The following GCA variants were observed in gnomAD, a reference collection of about 807,000 sequenced individuals.
GCA encodes grancalcin, EF-hand calcium-binding protein.
GCA carries 30 observed loss-of-function variants against 32.6 expected under a neutral mutation model. That is an observed-to-expected ratio of 0.92 (90% confidence interval 0.69 to 1.25). The LOEUF (loss-of-function observed/expected upper bound fraction) is 1.25, where lower values mean the gene tolerates loss of function less well. Ranked by LOEUF, GCA falls within the 50% of genes most tolerant of loss-of-function variation. The pLI is 0.00. For synonymous variants in GCA, 102 were observed against 84.6 expected, an observed-to-expected ratio of 1.21 and a Z score of -1.13; for missense variants, 291 against 266.8, an observed-to-expected ratio of 1.09 and a Z score of -0.63.
upstream of GCA, among the ~76,000 whole-genome samples, chr2:162,341,109 T>C (rs1684426852): frequency 6.6e-6 from 1 of 151,990 alleles, no homozygotes; most frequent in African/African-American, 2.4e-5. Flanking sequence ...TCCCCTCCTA[T>C]TGATGTATGT....
At chr2:162,343,102 C>G (rs536536099), upstream of GCA, among the ~76,000 whole-genome samples, 1 of 152,236 alleles carries the variant, frequency 6.6e-6, no homozygotes, top group Admixed American at 6.5e-5. Context: ...AGATACTCAG[C>G]TCTGCAAGGC....
At chr2:162,320,675 TC>T (rs1164118571) in intron 1 of GCA, among the ~76,000 whole-genome samples, 45 of 152,366 alleles carry the variant, frequency 3.0e-4, no homozygotes, top group African/African-American at 1.1e-3. Context: ...ATTATATCAT[TC>T]ATTGTATCAT....
rs151295915 is a variant in GCA at position 162,371,475 on chromosome 2, G to A, written c.*95G>A. 9.0e-4 allele frequency: 1,135 copies of A among 1,254,674 alleles called. 1 individual carries two copies. The highest frequency in any genetic ancestry group is 1.4e-3 in the Admixed American group (53 of 38,178). The allele number at this position is 1,254,674 out of a possible 1,614,324, so 77.7% of individuals were successfully genotyped here. A position where few individuals can be genotyped will look rare whatever the true frequency, so the allele number is the denominator to read the frequency against. On this transcript the variant is annotated 3_prime_UTR_variant, in exon 5 of 5. Transcript: ENST00000414723. ...TTTTATCCCTTGGTTTCTTATTTGC[G>A]TGGAAGGCATTTTCATAACGAAGTA... is the stretch of plus-strand genomic sequence containing the variant.
intron 1 of GCA, among the ~76,000 whole-genome samples, chr2:162,336,256 G>A (rs1684266858): frequency 6.6e-6 from 1 of 152,102 alleles, no homozygotes; most frequent in Non-Finnish European, 1.5e-5. Context: ...TGCTTTCCAA[G>A]GGAAATTAGT....
At chr2:162,338,568 A>G (rs968626413) in intron 1 of GCA, among the ~76,000 whole-genome samples, 4 of 152,240 alleles carry the variant, frequency 2.6e-5, no homozygotes, top group Admixed American at 6.5e-5. Flanking sequence ...AAACACCAAC[A>G]TAACAGAATT....
chr2:162,323,020 A>G (rs966720389), intron 1 of GCA, among the ~76,000 whole-genome samples: 2 of 151,872 alleles, frequency 1.3e-5, no homozygotes, highest in African/African-American at 2.4e-5. Flanking sequence ...TTACAGTCCC[A>G]CCAACAGTGC....
At chr2:162,368,484 TATC>T (rs1295962648) in intron 4 of GCA, among the ~76,000 whole-genome samples, 15 of 151,962 alleles carry the variant, frequency 9.9e-5, no homozygotes, top group Non-Finnish European at 1.9e-4. Flanking sequence ...TCTAAAATAA[TATC>T]TAAAATAATA....
At chr2:162,343,693 A>G (rs902179246), upstream of GCA, among the ~76,000 whole-genome samples, 2 of 152,222 alleles carry the variant, frequency 1.3e-5, no homozygotes, top group African/African-American at 4.8e-5. Context: ...AACACTACAC[A>G]AAAGTAAATG....
chr2:162,368,919 A>G (rs1356059309), intron 4 of GCA, among the ~76,000 whole-genome samples: 1 of 152,084 alleles, frequency 6.6e-6, no homozygotes, highest in East Asian at 1.9e-4. Flanking sequence ...GAGGAGAATG[A>G]TAAGTCTGTT....
chr2:162,350,389 C>G (rs1684932030), intron 2 of GCA, among the ~76,000 whole-genome samples: 2 of 152,152 alleles, frequency 1.3e-5, no homozygotes, highest in Admixed American at 1.3e-4. Flanking sequence ...CCATACAGCC[C>G]TGTTCTGCCT....
chr2:162,346,435 C>A (rs1684712297), intron 1 of GCA: 1 of 152,190 alleles, frequency 6.6e-6, no homozygotes, highest in Non-Finnish European at 1.5e-5. Flanking sequence ...CTCCCCTTAT[C>A]GAAAGGCACA....
intron 1 of GCA, among the ~76,000 whole-genome samples, chr2:162,347,302 A>C (rs1684757934): frequency 6.6e-6 from 1 of 152,176 alleles, no homozygotes; most frequent in South Asian, 2.1e-4. Flanking sequence ...ATTTTTTAAA[A>C]TTGTACATGT....
intron 2 of GCA, among the ~76,000 whole-genome samples, chr2:162,350,196 G>A (rs1684921186): frequency 6.6e-6 from 1 of 152,158 alleles, no homozygotes; most frequent in Admixed American, 6.5e-5. Flanking sequence ...AATGAAAAAA[G>A]CCTTACTGGG....
At chr2:162,322,454 T>C (rs1219945088) in intron 1 of GCA, among the ~76,000 whole-genome samples, 1 of 151,302 alleles carries the variant, frequency 6.6e-6, no homozygotes, top group Non-Finnish European at 1.5e-5. Flanking sequence ...ATGTGCACAA[T>C]GTGCAGGTTG....
At chr2:162,339,566 G>T (rs1684375440), upstream of GCA, among the ~76,000 whole-genome samples, 1 of 152,154 alleles carries the variant, frequency 6.6e-6, no homozygotes, top group African/African-American at 2.4e-5. Flanking sequence ...CCACCAATGG[G>T]ATGATATTTG....
chr2:162,367,683 A>G (rs1685798933), downstream of GCA, among the ~76,000 whole-genome samples: 1 of 152,010 alleles, frequency 6.6e-6, no homozygotes. Context: ...CATCTTGGCA[A>G]CAGCTATGTT....
chr2:162,323,013 C>T (rs1321649274), intron 1 of GCA, among the ~76,000 whole-genome samples: 2 of 151,856 alleles, frequency 1.3e-5, no homozygotes, highest in African/African-American at 4.9e-5. Flanking sequence ...AACTAGTTTA[C>T]AGTCCCACCA....
At chr2:162,346,799 T>G (rs1319083000) in intron 1 of GCA, 1 of 152,254 alleles carries the variant, frequency 6.6e-6, no homozygotes, top group African/African-American at 2.4e-5. Flanking sequence ...AATATTTTCA[T>G]GTCCAAGCCT....
intron 1 of GCA, among the ~76,000 whole-genome samples, chr2:162,327,788 A>G (rs1314745130): frequency 6.6e-6 from 1 of 152,206 alleles, no homozygotes; most frequent in Admixed American, 6.5e-5. Flanking sequence ...CCAAATACTC[A>G]TTTTACTTAG....
Sources: gnomAD v4.1 joint callset for allele counts (sites outside exome capture counted in the v4.1 genomes callset) on GRCh38, gnomAD v4.1.1 for gene constraint, MANE v1.5 for transcripts, NCBI Gene and HGNC (gene_info 2026-07-23, HGNC 2026-07-21) for gene names.